The following TP53BP1 variants were observed in gnomAD, a reference collection of about 807,000 sequenced individuals.
TP53BP1 encodes the protein TP53-binding protein 1.
Under a neutral mutation model 200.8 loss-of-function variants are expected in TP53BP1, and 61 were observed. The observed-to-expected ratio is 0.30, with a 90% confidence interval of 0.25 to 0.38. The LOEUF (loss-of-function observed/expected upper bound fraction) is 0.38. Ranked by LOEUF, TP53BP1 falls within the 10% of genes least tolerant of loss-of-function variation. TP53BP1 has a pLI of 1.00. For synonymous variants in TP53BP1, 822 were observed against 844.3 expected (o/e 0.97, Z 0.46); for missense variants, 2,144 against 2,371.9 (o/e 0.90, Z 2.00).
At chr15:43,434,961 C>T (rs897810926) in intron 16 of TP53BP1, among the ~76,000 whole-genome samples, 37 of 152,154 alleles carry the variant, frequency 2.4e-4, no homozygotes, top group African/African-American at 8.9e-4. Context: ...GAAACTGATG[C>T]TAAGAAAGTA....
At chr15:43,499,023 A>AC (rs2079196036) in intron 1 of TP53BP1, among the ~76,000 whole-genome samples, 3 of 151,426 alleles carry the variant, frequency 2.0e-5, no homozygotes, top group Non-Finnish European at 2.9e-5. Flanking sequence ...CAACAACAAA[A>AC]AAAAAAAAAC....
chr15:43,433,703 G>A (rs2045723735), intron 16 of TP53BP1, among the ~76,000 whole-genome samples: 1 of 152,158 alleles, frequency 6.6e-6, no homozygotes, highest in Non-Finnish European at 1.5e-5. Flanking sequence ...AACTGACCAT[G>A]CTAAGACCAC....
intron 4 of TP53BP1, among the ~76,000 whole-genome samples, chr15:43,487,036 G>T (rs1364404372): frequency 6.6e-6 from 1 of 151,960 alleles, no homozygotes; most frequent in Admixed American, 6.6e-5. Context: ...AGAAAGAAAG[G>T]ATAGAGTGGG....
At position 43,456,621 on chromosome 15, in the gene TP53BP1, C is replaced by G; in HGVS notation, c.1987G>C (p.Gly663Arg). The stretch of plus-strand genomic sequence containing the variant: ...TCTTCCACCTCAGACCCTGAAGACC[C>G]CTCCTCTGGATGGTGTTCTTTAATT... ...MEIKEHHPEE[G>R]SSGSEVEEIP... The change falls in exon 12 of 28, where the codon GGG (glycine) becomes CGG (arginine). Residue 663 changes from glycine to arginine, a missense_variant. Transcript: ENST00000382044. 1 of 1,614,156 alleles carries G rather than the reference C, an allele frequency of 6.2e-7. No homozygotes were observed. The highest frequency in any genetic ancestry group is 8.5e-7 in the Non-Finnish European group (1 of 1,180,028).
intron 21 of TP53BP1, among the ~76,000 whole-genome samples, chr15:43,419,909 G>A (rs902073941): frequency 6.6e-6 from 1 of 152,134 alleles, no homozygotes; most frequent in Non-Finnish European, 1.5e-5. Flanking sequence ...GGACATGATG[G>A]AAAAGCTAGT....
intron 23 of TP53BP1, 43 bp from the exon 24 acceptor site, chr15:43,413,377 T>C (rs777068109): frequency 1.2e-5 from 18 of 1,551,308 alleles, no homozygotes; most frequent in Non-Finnish European, 1.6e-5. Context: ...ATACACACCA[T>C]TGCCTCAGCA....
Position 43,493,101 on chromosome 15 carries a change from T to A in TP53BP1, c.-58A>T, listed in dbSNP as rs896571702. On this transcript the variant is annotated 5_prime_UTR_variant, in exon 1 of 28. Transcript: ENST00000382044. Reference sequence around the variant, plus strand: ...GGTCTCTGCACGCTCCCCAAGTCCCTCCAGATCGATCCCTAGGTCGCCGCT... The same window carrying A: ...GGTCTCTGCACGCTCCCCAAGTCCCACCAGATCGATCCCTAGGTCGCCGCT... 4 of 1,605,276 alleles carry A rather than the reference T, an allele frequency of 2.5e-6. No individual in the cohort carries two copies. Among genetic ancestry groups the A allele is most frequent in the Non-Finnish European group, 3.4e-6 (4 of 1,177,650 alleles).
chr15:43,439,451 G>GCTTGAGC (rs909034750), intron 15 of TP53BP1, among the ~76,000 whole-genome samples: 5 of 152,140 alleles, frequency 3.3e-5, no homozygotes, highest in African/African-American at 1.2e-4. Flanking sequence ...CAGGAGGATC[G>GCTTGAGC]CTTGAGCCTG....
chr15:43,442,419 T>C lies in TP53BP1; in HGVS notation c.3041-836A>G, dbSNP rs144289569. On this transcript the variant is annotated intron_variant, in intron 14 of 27. Coordinates refer to ENST00000382044, the MANE Select transcript of TP53BP1 (RefSeq NM_001141980.3). ...CTTGTAATTTAATGGTACAAGTTTTTCTCACTTCCACCAATCAATTTTCTT... is the reference window on the plus strand; with the variant it reads ...CTTGTAATTTAATGGTACAAGTTTTCCTCACTTCCACCAATCAATTTTCTT... Among the ~76,000 whole-genome samples, 30 of 152,220 alleles carry C rather than the reference T, an allele frequency of 2.0e-4. 1 individual carries two copies. In the East Asian group the frequency reaches 5.4e-3, roughly 27 times the overall value.
intron 25 of TP53BP1, chr15:43,409,348 A>T: frequency 1.7e-6 from 1 of 576,804 alleles, no homozygotes; most frequent in Non-Finnish European, 3.1e-6. Flanking sequence ...CTATGAACTC[A>T]GCCTTTCAGG....
intron 8 of TP53BP1, among the ~76,000 whole-genome samples, chr15:43,477,159 G>A (rs547273565): frequency 6.6e-6 from 1 of 152,058 alleles, no homozygotes; most frequent in Non-Finnish European, 1.5e-5. Context: ...AATTAGCCAA[G>A]CATGGTGGCG....
Position 43,421,723 on chromosome 15 carries a change from T to C in TP53BP1, c.4100+132A>G, listed in dbSNP as rs184766776. 51 of 1,273,496 alleles carry C rather than the reference T, an allele frequency of 4.0e-5. No individual in the cohort carries two copies. In the African/African-American group the frequency reaches 7.3e-4, roughly 18 times the overall value. 78.9% of individuals were successfully genotyped at this position (1,273,496 alleles called of 1,614,324 possible). A position where few individuals can be genotyped will look rare whatever the true frequency, so the allele number is the denominator to read the frequency against. On this transcript the variant is annotated intron_variant, in intron 19 of 27. Transcript: ENST00000382044. ...CCCAAAACAGGAAGAGAGCAAATAG[T>C]GAAGAGGGGTAGTTGATTTATCTTT... is the stretch of plus-strand genomic sequence containing the variant.
Position 43,404,286 on chromosome 15 carries a change from G to A in TP53BP1, c.*3097C>T. Reference sequence around the variant, plus strand: ...GGAACTAATAGAAATAGGAATGTGGGAAGGCCAGGTGGTTCTGTAGAATTT... The same window carrying A: ...GGAACTAATAGAAATAGGAATGTGGAAAGGCCAGGTGGTTCTGTAGAATTT... On this transcript the variant is annotated 3_prime_UTR_variant, in exon 28 of 28. Transcript: ENST00000382044. 1 of 1,117,002 alleles carries A rather than the reference G, an allele frequency of 9.0e-7. No individual in the cohort carries two copies. 69.2% of individuals were successfully genotyped at this position (1,117,002 alleles called of 1,614,324 possible).
At chr15:43,493,318 G>C, upstream of TP53BP1, 1 of 1,069,042 alleles carries the variant, frequency 9.4e-7, no homozygotes, top group Non-Finnish European at 1.3e-6. Context: ...GGACGTTGCA[G>C]GCCCTCCCCT....
At chr15:43,410,661 C>G (rs1595519056) in intron 24 of TP53BP1, among the ~76,000 whole-genome samples, 1 of 151,974 alleles carries the variant, frequency 6.6e-6, no homozygotes, top group Non-Finnish European at 1.5e-5. Flanking sequence ...AATTTTAAAA[C>G]CCAACCCAAT....
At chr15:43,439,234 C>T (rs2045872838) in intron 15 of TP53BP1, among the ~76,000 whole-genome samples, 1 of 152,096 alleles carries the variant, frequency 6.6e-6, no homozygotes, top group African/African-American at 2.4e-5. Context: ...CAGTTACAAA[C>T]AACACTTAAA....
At chr15:43,447,020 G>A in intron 13 of TP53BP1, 1 of 501,192 alleles carries the variant, frequency 2.0e-6, no homozygotes, top group South Asian at 1.6e-5. Context: ...ATTAGCCAAG[G>A]TACTGAATAA....
chr15:43,409,313 T>G, intron 25 of TP53BP1: 1 of 595,378 alleles, frequency 1.7e-6, no homozygotes, highest in South Asian at 2.1e-5. Flanking sequence ...ACTGAGGACC[T>G]AAATCCTCAA....
intron 1 of TP53BP1, among the ~76,000 whole-genome samples, chr15:43,506,613 T>C (rs2140186484): frequency 6.6e-6 from 1 of 152,334 alleles, no homozygotes; most frequent in African/African-American, 2.4e-5. Flanking sequence ...CCACTATATC[T>C]GCCAATTTTG....
Sources: allele counts gnomAD v4.1 joint callset (sites outside exome capture counted in the v4.1 genomes callset), GRCh38; gene constraint gnomAD v4.1.1; transcripts MANE v1.5; gene names NCBI Gene and HGNC (gene_info 2026-07-23, HGNC 2026-07-21).